Variants in THSD7B observed in about 807,000 individuals in gnomAD.
The protein encoded by THSD7B is thrombospondin type 1 domain containing 7B.
Under a neutral mutation model 213.6 loss-of-function variants are expected in THSD7B, and 138 were observed. The observed-to-expected ratio is 0.65, with a 90% CI of 0.56 to 0.74. THSD7B has a LOEUF of 0.74. Ranked by LOEUF, THSD7B falls within the 30% of genes least tolerant of loss-of-function variation. The probability of loss-of-function intolerance (pLI) is 0.00; values close to 1 mark genes in which losing one functional copy is unlikely to be tolerated. For missense variants in THSD7B, 1,931 were observed against 1,991.5 expected (o/e 0.97, Z 0.58); for synonymous variants, 742 against 687.0 (o/e 1.08, Z -1.25).
chr2:136,857,799 A>G (rs1683199114), intron 1 of THSD7B, among the ~76,000 whole-genome samples: 1 of 152,208 alleles, frequency 6.6e-6, no homozygotes, highest in Non-Finnish European at 1.5e-5. Flanking sequence ...TAATTTGAGG[A>G]ACAAAGAGTG....
At chr2:137,467,008 A>G (rs1458282855) in intron 15 of THSD7B, among the ~76,000 whole-genome samples, 2 of 152,044 alleles carry the variant, frequency 1.3e-5, no homozygotes, top group East Asian at 1.9e-4. Context: ...TCTTAAGTAC[A>G]ATAAAATTCT....
chr2:136,784,244 A>AAGCCCAGTGACCAGTC (rs1681797964), intron 1 of THSD7B, among the ~76,000 whole-genome samples: 1 of 147,140 alleles, frequency 6.8e-6, no homozygotes, highest in Non-Finnish European at 1.5e-5. Flanking sequence ...TCTTCAGGGC[A>AAGCCCAGTGACCAGTC]AAACAAAAGT....
intron 1 of THSD7B, among the ~76,000 whole-genome samples, chr2:136,842,164 TCC>T (rs940621646): frequency 2.6e-5 from 4 of 152,212 alleles, no homozygotes; most frequent in Non-Finnish European, 5.9e-5. Flanking sequence ...CATTATCACT[TCC>T]TTTTTCATCT....
At chr2:137,257,360 A>G (rs1203636777) in intron 10 of THSD7B, among the ~76,000 whole-genome samples, 5 of 152,200 alleles carry the variant, frequency 3.3e-5, no homozygotes, top group African/African-American at 9.6e-5. Context: ...CAACGGATTT[A>G]ATAGAAACAG....
At chr2:137,209,503 GAAA>G (rs763694664) in intron 7 of THSD7B, among the ~76,000 whole-genome samples, 5 of 152,020 alleles carry the variant, frequency 3.3e-5, no homozygotes, top group Non-Finnish European at 7.4e-5. Flanking sequence ...TGTTTACCTG[GAAA>G]TAATGTAATT....
intron 17 of THSD7B, among the ~76,000 whole-genome samples, chr2:137,596,268 G>A (rs368674811): frequency 4.3e-4 from 66 of 152,068 alleles, no homozygotes; most frequent in African/African-American, 1.4e-3. Flanking sequence ...TTAACTAACT[G>A]TAAGAATTCA....
At chr2:137,535,558 C>T (rs1253615523) in intron 15 of THSD7B, among the ~76,000 whole-genome samples, 1 of 151,530 alleles carries the variant, frequency 6.6e-6, no homozygotes, top group African/African-American at 2.4e-5. Context: ...GACTTTATAC[C>T]CGGTGCCTAA....
rs575860762 is a variant in THSD7B at position 137,260,487 on chromosome 2, G to C, written c.2267-12046G>C. On this transcript the variant is annotated intron_variant, in intron 10 of 27. Transcript: ENST00000409968. ...TCTTAAAAAGGTAAAAATTGTCCAGGCATGGTGGTTCATGCCTGTAATTCC... is the reference window on the plus strand; with the variant it reads ...TCTTAAAAAGGTAAAAATTGTCCAGCCATGGTGGTTCATGCCTGTAATTCC... Among the ~76,000 whole-genome samples, 13 of 152,268 alleles carry C rather than the reference G, an allele frequency of 8.5e-5. No individual in the cohort carries two copies. In the East Asian group the frequency reaches 9.7e-4, roughly 11 times the overall value.
intron 5 of THSD7B, among the ~76,000 whole-genome samples, chr2:137,134,321 GTT>G (rs2104957261): frequency 6.6e-6 from 1 of 152,224 alleles, no homozygotes; most frequent in African/African-American, 2.4e-5. Context: ...ATATGTTCTT[GTT>G]TTCTTATGGT....
chr2:137,307,956 A>G (rs1683796383), intron 12 of THSD7B, among the ~76,000 whole-genome samples: 1 of 152,008 alleles, frequency 6.6e-6, no homozygotes, highest in South Asian at 2.1e-4. Flanking sequence ...GGAAGTAAGA[A>G]TGCCTCTGAG....
At chr2:137,282,713 G>T (rs12053199) in intron 12 of THSD7B, among the ~76,000 whole-genome samples, 22,918 of 152,062 alleles carry the variant, frequency 0.15, 2,163 homozygotes, top group East Asian at 0.48. Flanking sequence ...TCAGATAGTT[G>T]TAGATGTGTG....
intron 15 of THSD7B, among the ~76,000 whole-genome samples, chr2:137,548,306 C>G: frequency 6.6e-6 from 1 of 151,914 alleles, no homozygotes; most frequent in East Asian, 1.9e-4. Context: ...AGTGATGTTT[C>G]AACTGTCTCT....
intron 17 of THSD7B, among the ~76,000 whole-genome samples, chr2:137,580,929 C>T (rs1474551863): frequency 1.3e-5 from 2 of 152,182 alleles, no homozygotes; most frequent in Non-Finnish European, 2.9e-5. Flanking sequence ...AATCCACCCT[C>T]ATGATCCAAA....
intron 2 of THSD7B, among the ~76,000 whole-genome samples, chr2:136,926,375 G>C (rs1223668979): frequency 6.7e-6 from 1 of 149,812 alleles, no homozygotes; most frequent in Non-Finnish European, 1.5e-5. Flanking sequence ...ACCTGCTGTT[G>C]TACCCCTAAA....
chr2:137,400,175 C>T (rs1318786856), intron 12 of THSD7B, among the ~76,000 whole-genome samples: 1 of 152,036 alleles, frequency 6.6e-6, no homozygotes, highest in Admixed American at 6.6e-5. Context: ...GCATCTCTTG[C>T]ATTGGGCTTC....
chr2:136,992,367 T>G (rs1237744801), intron 2 of THSD7B, among the ~76,000 whole-genome samples: 2 of 152,218 alleles, frequency 1.3e-5, no homozygotes, highest in African/African-American at 4.8e-5. Flanking sequence ...GGGAACCAAT[T>G]TAGATAATTG....
intron 12 of THSD7B, among the ~76,000 whole-genome samples, chr2:137,294,583 C>CAAAAAAAAAAAAAAAAAA (rs1210363889): frequency 6.8e-5 from 5 of 73,222 alleles, no homozygotes; most frequent in African/African-American, 2.5e-4. Context: ...AACTCCATCT[C>CAAAAAAAAAAAAAAAAAA]AAAAAAAAAA....
chr2:136,781,059 TATA>T (rs1341096444), intron 1 of THSD7B, among the ~76,000 whole-genome samples: 9 of 152,244 alleles, frequency 5.9e-5, no homozygotes, highest in South Asian at 4.1e-4. Flanking sequence ...TATGATTTCT[TATA>T]ATGTGATTTT....
chr2:137,607,157 T>A (rs1237986180), intron 17 of THSD7B, among the ~76,000 whole-genome samples: 1 of 147,000 alleles, frequency 6.8e-6, no homozygotes, highest in Admixed American at 7.2e-5. Flanking sequence ...TTCATTAGTG[T>A]CTTCTAATAT....
Sources: gnomAD v4.1 joint callset for allele counts (sites outside exome capture counted in the v4.1 genomes callset) on GRCh38, gnomAD v4.1.1 for gene constraint, MANE v1.5 for transcripts, NCBI Gene and HGNC (gene_info 2026-07-23, HGNC 2026-07-21) for gene names.